CHSY1: variants seen among roughly 807,000 people sequenced by gnomAD.
The protein encoded by CHSY1 is chondroitin sulfate synthase 1.
Under a neutral mutation model 59.8 loss-of-function variants are expected in CHSY1, and 13 were observed. The observed-to-expected ratio is 0.22, with a 90% CI of 0.14 to 0.35. The LOEUF (loss-of-function observed/expected upper bound fraction) is 0.35. Among genes scored for constraint, CHSY1 ranks in the 10% least tolerant of loss-of-function variants. The pLI is 1.00. For missense variants in CHSY1, 947 were observed against 1,030.6 expected (o/e 0.92, Z 1.11); for synonymous variants, 459 against 401.2 (o/e 1.14, Z -1.72).
chr15:101,219,042 T>C (rs1028653255), intron 2 of CHSY1, among the ~76,000 whole-genome samples: 1 of 152,192 alleles, frequency 6.6e-6, no homozygotes, highest in East Asian at 1.9e-4. Context: ...TCTGAATCTA[T>C]CTCTCTACAA....
At position 101,251,317 on chromosome 15, in the gene CHSY1, C is replaced by A; in HGVS notation, c.140G>T (p.Gly47Val). The A allele has an allele frequency of 8.8e-7, 1 of 1,131,794 alleles. No homozygotes were observed. Among genetic ancestry groups the A allele is most frequent in the Non-Finnish European group, 1.1e-6 (1 of 922,732 alleles). The allele number at this position is 1,131,794 out of a possible 1,614,324, so 70.1% of individuals were successfully genotyped here. ...AGPRRRASPE[G>V]CRSGQAAASQ... ...AGCCGCCGCCTGCCCGGACCGGCAG[C>A]CCTCGGGGCTGGCGCGGCGCCGTGG... The change falls in exon 1 of 3, where the codon GGC (glycine) becomes GTC (valine). Residue 47 changes from glycine (G) to valine (V), a missense_variant. Coordinates refer to ENST00000254190, the MANE Select transcript of CHSY1 (RefSeq NM_014918.5).
chr15:101,237,301 T>TGTTG (rs2038955130), intron 1 of CHSY1, among the ~76,000 whole-genome samples: 1 of 150,582 alleles, frequency 6.6e-6, no homozygotes, highest in African/African-American at 2.4e-5. Flanking sequence ...CAGGCCTCTA[T>TGTTG]GTTGCAAGAG....
intron 1 of CHSY1, among the ~76,000 whole-genome samples, chr15:101,246,115 G>C (rs1427052762): frequency 3.9e-5 from 6 of 152,170 alleles, no homozygotes; most frequent in East Asian, 1.9e-4. Flanking sequence ...TCTAGGTAAT[G>C]CTTCTCAAAC....
chr15:101,178,317 C>A lies in CHSY1; in HGVS notation c.1480G>T (p.Ala494Ser). Residue 494 changes from alanine (A) to serine (S), a missense_variant, in exon 3 of 3, where the codon GCC (alanine) becomes TCC (serine). By Grantham distance (99) the Ala-to-Ser change is moderately conservative. Transcript: ENST00000254190. The stretch of plus-strand genomic sequence containing the variant: ...CCAGATTCCTGATTGATTCTCTTGG[C>A]CAACTCTTGTGCATCCAGCTCCTCA... ...EHEELDAQEL[A>S]KRINQESGSL... 6.2e-7 allele frequency: 1 copy of A among 1,608,648 alleles called. No individual in the cohort carries two copies. The highest frequency in any genetic ancestry group is 8.5e-7 in the Non-Finnish European group (1 of 1,175,556).
intron 2 of CHSY1, chr15:101,189,341 G>A (rs2038413571): frequency 7.7e-6 from 5 of 652,230 alleles, no homozygotes; most frequent in Non-Finnish European, 9.5e-6. Flanking sequence ...GACCCAACAT[G>A]TCTCTACGAG....
rs999939910 is a variant in CHSY1, at chr15:101,235,495, G to A, written c.403C>T (p.Pro135Ser). 7 of 1,613,454 alleles carry A rather than the reference G, an allele frequency of 4.3e-6. No homozygotes were observed. Residue 135 changes from proline (P) to serine (S), a missense_variant, in exon 2 of 3, where the codon CCA becomes TCA. Physicochemically the swap from Pro to Ser is moderately conservative, Grantham distance 74. Around this residue, in one of 4 missense-constraint regions of CHSY1, gnomAD observed 232 missense variants for 188.5 expected, o/e 1.23. Coordinates refer to ENST00000254190, the MANE Select transcript of CHSY1 (RefSeq NM_014918.5). ...SDTSVPIPVV[P>S]LRGVDDSYPP... ...TAGGAGTCGTCCACACCCCGTAGTGGCACTACTGGAATTGGTACAGATGTG... is the reference window on the plus strand; with the variant it reads ...TAGGAGTCGTCCACACCCCGTAGTGACACTACTGGAATTGGTACAGATGTG...
At chr15:101,200,269 CT>C (rs1301018336) in intron 2 of CHSY1, among the ~76,000 whole-genome samples, 1 of 152,168 alleles carries the variant, frequency 6.6e-6, no homozygotes, top group East Asian at 1.9e-4. Flanking sequence ...TAAGAGACGC[CT>C]TTACGCAAAA....
intron 2 of CHSY1, among the ~76,000 whole-genome samples, chr15:101,230,424 G>T (rs1285224695): frequency 6.6e-6 from 1 of 152,118 alleles, no homozygotes; most frequent in South Asian, 2.1e-4. Context: ...TCTTTGTGGA[G>T]AGAACATTCA....
intron 2 of CHSY1, among the ~76,000 whole-genome samples, chr15:101,228,835 T>C (rs2038866019): frequency 6.6e-6 from 1 of 152,220 alleles, no homozygotes; most frequent in Non-Finnish European, 1.5e-5. Flanking sequence ...TATAAATGTA[T>C]TTTTTATTTG....
intron 2 of CHSY1, among the ~76,000 whole-genome samples, chr15:101,234,638 G>A (rs1411705116): frequency 1.3e-5 from 2 of 152,230 alleles, no homozygotes; most frequent in Non-Finnish European, 2.9e-5. Context: ...GGAGGCTGAG[G>A]CAGGCAGATC....
chr15:101,222,687 C>A (rs887981471), intron 2 of CHSY1, among the ~76,000 whole-genome samples: 5 of 152,236 alleles, frequency 3.3e-5, no homozygotes, highest in African/African-American at 1.2e-4. Flanking sequence ...GCGGAAAATC[C>A]CACCCCTTGG....
intron 2 of CHSY1, among the ~76,000 whole-genome samples, chr15:101,194,102 C>T (rs2038479419): frequency 6.6e-6 from 1 of 152,246 alleles, no homozygotes; most frequent in Non-Finnish European, 1.5e-5. Context: ...TCGAAAGCTT[C>T]AAGTAATTTT....
intron 2 of CHSY1, among the ~76,000 whole-genome samples, chr15:101,226,578 C>G (rs2038844174): frequency 1.3e-5 from 2 of 152,112 alleles, no homozygotes; most frequent in African/African-American, 4.8e-5. Context: ...ACCCTTCGCC[C>G]CACTCTGCCT....
intron 1 of CHSY1, among the ~76,000 whole-genome samples, chr15:101,237,580 A>G (rs1198132960): frequency 1.3e-5 from 2 of 152,140 alleles, no homozygotes; most frequent in African/African-American, 2.4e-5. Flanking sequence ...TGAGTGGTCA[A>G]CTGCGAGGAA....
At chr15:101,198,984 C>A (rs911983930) in intron 2 of CHSY1, among the ~76,000 whole-genome samples, 1 of 152,176 alleles carries the variant, frequency 6.6e-6, no homozygotes, top group Non-Finnish European at 1.5e-5. Flanking sequence ...AAACCAGGCA[C>A]GTGCAGACTT....
At chr15:101,190,133 A>C (rs1351014238) in intron 2 of CHSY1, among the ~76,000 whole-genome samples, 1 of 152,088 alleles carries the variant, frequency 6.6e-6, no homozygotes, top group Non-Finnish European at 1.5e-5. Context: ...ATGAAGTCTG[A>C]GGGGGGACTC....
Position 101,176,368 on chromosome 15 carries a change from GTA to G in CHSY1, c.*1018_*1019del, listed in dbSNP as rs956167443. 5.0e-6 allele frequency: 2 copies of G among 398,460 alleles called. No individual in the cohort carries two copies. The highest frequency in any genetic ancestry group is 4.4e-6 in the Non-Finnish European group (1 of 226,064). 24.7% of individuals were successfully genotyped at this position (398,460 alleles called of 1,614,324 possible). On this transcript the variant is annotated 3_prime_UTR_variant, in exon 3 of 3. Coordinates refer to ENST00000254190, the MANE Select transcript of CHSY1 (RefSeq NM_014918.5). ...TTTTCCCCAACGTTTTGATTAGGGT[GTA>G]TGTGTGTATGTTTCAGTCTGTGTAC...
intron 2 of CHSY1, among the ~76,000 whole-genome samples, chr15:101,199,122 T>C (rs1169200801): frequency 1.3e-5 from 2 of 152,194 alleles, no homozygotes; most frequent in African/African-American, 4.8e-5. Flanking sequence ...CCCTGCTGTG[T>C]TTTCCTGACA....
intron 1 of CHSY1, among the ~76,000 whole-genome samples, chr15:101,240,949 T>C (rs2038995217): frequency 6.6e-6 from 1 of 152,164 alleles, no homozygotes; most frequent in South Asian, 2.1e-4. Context: ...ACGGGTAAGC[T>C]TAAAAAGCAG....
Sources: gnomAD v4.1 joint callset for allele counts (sites outside exome capture counted in the v4.1 genomes callset) on GRCh38, gnomAD v4.1.1 for gene constraint, gnomAD v4.1.1 regional missense constraint, MANE v1.5 for transcripts, NCBI Gene and HGNC (gene_info 2026-07-23, HGNC 2026-07-21) for gene names.